TMCO6: variants seen among roughly 807,000 people sequenced by gnomAD.
TMCO6 encodes transmembrane and coiled-coil domain-containing protein 6.
TMCO6 carries 47 observed loss-of-function variants against 61.8 expected under a neutral mutation model. That is an observed-to-expected ratio of 0.76 (90% CI 0.60 to 0.97). The LOEUF is 0.97. TMCO6 is among the 50% of genes least tolerant of loss of function. The probability of loss-of-function intolerance (pLI) is 0.00; values close to 1 mark genes in which losing one functional copy is unlikely to be tolerated. For missense variants in TMCO6, 557 were observed against 601.6 expected (o/e 0.93, Z 0.78); for synonymous variants, 261 against 254.2 (o/e 1.03, Z -0.25).
At chr5:140,600,925 A>T in the TMCO6 span, among the ~76,000 whole-genome samples, 1 of 152,320 alleles carries the variant, frequency 6.6e-6, no homozygotes, top group East Asian at 1.9e-4. Context: ...TTGTCACTTT[A>T]GTTTCATCAA....
At chr5:140,633,034 G>A in the TMCO6 span, 1 of 1,613,590 alleles carries the variant, frequency 6.2e-7, no homozygotes, top group Non-Finnish European at 8.5e-7. Context: ...TGGCTCCCGA[G>A]TGGCACGCGT....
intron 4 of TMCO6, 27 bp from the exon 5 acceptor site, chr5:140,642,288 C>T: frequency 6.3e-7 from 1 of 1,583,124 alleles, no homozygotes; most frequent in South Asian, 1.1e-5. Context: ...ACAGGCCAAG[C>T]CCAGTGCTTT....
At chr5:140,614,433 G>A in the TMCO6 span, among the ~76,000 whole-genome samples, 1 of 151,884 alleles carries the variant, frequency 6.6e-6, no homozygotes, top group African/African-American at 2.4e-5. Context: ...GCTTGAACCC[G>A]GGAAGCAGAG....
At chr5:140,611,404 A>G in the TMCO6 span, among the ~76,000 whole-genome samples, 2 of 152,114 alleles carry the variant, frequency 1.3e-5, no homozygotes, top group African/African-American at 4.8e-5. Flanking sequence ...CTATTGTATG[A>G]GTGTGAAGTT....
the TMCO6 span, among the ~76,000 whole-genome samples, chr5:140,615,952 G>A: frequency 3.3e-5 from 5 of 151,946 alleles, no homozygotes; most frequent in East Asian, 7.8e-4. Context: ...CCAACATGGC[G>A]AAACCCTGTC....
the TMCO6 span, among the ~76,000 whole-genome samples, chr5:140,612,778 T>C: frequency 6.6e-6 from 1 of 152,222 alleles, no homozygotes; most frequent in African/African-American, 2.4e-5. Context: ...CCATGACACA[T>C]AGTTTATGGT....
At chr5:140,637,997 T>TTCTTCCTTCCTTTCTTTCTTTTCTTTCTC (rs1756815914), upstream of TMCO6, among the ~76,000 whole-genome samples, 2 of 146,588 alleles carry the variant, frequency 1.4e-5, no homozygotes, top group Non-Finnish European at 2.9e-5. Context: ...CTTTCTTTCT[T>TTCTTCCTTCCTTTCTTTCTTTTCTTTCTC]CCTTCCTTTC....
chr5:140,635,712 G>A (rs925335676), upstream of TMCO6, among the ~76,000 whole-genome samples: 4 of 152,326 alleles, frequency 2.6e-5, no homozygotes, highest in Non-Finnish European at 4.4e-5. Flanking sequence ...CAGAACTTCC[G>A]TCCATAGTGC....
intron 2 of TMCO6, among the ~76,000 whole-genome samples, chr5:140,640,232 A>G (rs1026298577): frequency 1.3e-5 from 2 of 152,150 alleles, no homozygotes; most frequent in African/African-American, 4.8e-5. Context: ...CTTGCAAAGC[A>G]TAGCATGGTC....
chr5:140,645,996 G>A (rs1397917763), downstream of TMCO6, among the ~76,000 whole-genome samples: 1 of 149,482 alleles, frequency 6.7e-6, no homozygotes, highest in Admixed American at 6.8e-5. Context: ...TCAGCTGGGA[G>A]CCCATTCTCT....
the TMCO6 span, among the ~76,000 whole-genome samples, chr5:140,596,674 C>A: frequency 2.6e-5 from 4 of 152,152 alleles, no homozygotes; most frequent in South Asian, 2.1e-4. Flanking sequence ...CTGTTCCAGT[C>A]CCCCCTAGAA....
At chr5:140,640,546 C>T (rs1756957972) in intron 2 of TMCO6, among the ~76,000 whole-genome samples, 1 of 152,008 alleles carries the variant, frequency 6.6e-6, no homozygotes, top group African/African-American at 2.4e-5. Context: ...GCAGGGATTA[C>T]AGGCGCGCGC....
At chr5:140,637,298 G>A (rs926072190), upstream of TMCO6, among the ~76,000 whole-genome samples, 27 of 152,146 alleles carry the variant, frequency 1.8e-4, no homozygotes, top group African/African-American at 6.0e-4. Context: ...TGAGGAACAC[G>A]GTTTTTTATT....
chr5:140,598,170 A>C, the TMCO6 span, among the ~76,000 whole-genome samples: 2 of 148,182 alleles, frequency 1.3e-5, no homozygotes, highest in East Asian at 3.9e-4. Context: ...CCCCTCCCCC[A>C]TTTTACTTGA....
Position 140,643,760 on chromosome 5 carries a change from C to T in TMCO6, c.919-20C>T. 1.2e-6 allele frequency: 2 copies of T among 1,611,392 alleles called. No homozygotes were observed. The highest frequency in any genetic ancestry group is 8.5e-7 in the Non-Finnish European group (1 of 1,177,998). ...TAACCTCTTCCTTCTTACACCTGAC[C>T]CCCCAATTTGTCTTTGCAGCTGGCA... On this transcript the variant is annotated intron_variant, in intron 8 of 11. Coordinates refer to ENST00000394671, the MANE Select transcript of TMCO6 (RefSeq NM_018502.5).
At chr5:140,642,745 A>G (rs1303928994) in intron 6 of TMCO6, 74 bp downstream of exon 6, 6 of 1,587,880 alleles carry the variant, frequency 3.8e-6, no homozygotes, top group Non-Finnish European at 4.3e-6. Context: ...TGCCTGAATG[A>G]TTTCCAAAGC....
At chr5:140,617,357 T>A in the TMCO6 span, among the ~76,000 whole-genome samples, 5 of 152,108 alleles carry the variant, frequency 3.3e-5, no homozygotes, top group Non-Finnish European at 7.4e-5. Flanking sequence ...AGGTCAGGAA[T>A]TCGAGACCAG....
the TMCO6 span, among the ~76,000 whole-genome samples, chr5:140,602,040 A>G: frequency 6.6e-6 from 1 of 152,220 alleles, no homozygotes; most frequent in African/African-American, 2.4e-5. Flanking sequence ...AGGCATCAAC[A>G]TGGACTGCCA....
Position 140,641,681 on chromosome 5 carries a change from G to A in TMCO6, c.215G>A (p.Arg72Gln), listed in dbSNP as rs746908552. ...GAACTCCAGGTGCAGCAGTTCCTGC[G>A]GCAAGCCCAGCGGGGGACAGAGGAA... ...LGETEVQQFL[R>Q]QAQRGTEEKE... Residue 72 changes from arginine (R) to glutamine (Q), a missense_variant, in exon 3 of 12, where the codon CGG becomes CAG. Physicochemically the swap from Arg to Gln is conservative, Grantham distance 43. Transcript: ENST00000394671. 3 of 1,613,960 alleles carry A rather than the reference G, an allele frequency of 1.9e-6. No homozygotes were observed. The highest frequency in any genetic ancestry group is 1.1e-5 in the South Asian group (1 of 91,068).
Sources: gnomAD v4.1 joint callset for allele counts (sites outside exome capture counted in the v4.1 genomes callset) on GRCh38, gnomAD v4.1.1 for gene constraint, MANE v1.5 for transcripts, NCBI Gene and HGNC (gene_info 2026-07-23, HGNC 2026-07-21) for gene names.